The following NEDD1 variants were observed in gnomAD, a reference collection of about 807,000 sequenced individuals.
NEDD1 encodes the protein protein NEDD1.
Under a neutral mutation model 74.0 loss-of-function variants are expected in NEDD1, and 33 were observed. The observed-to-expected ratio is 0.45, with a 90% CI of 0.34 to 0.60. The LOEUF is 0.60. Ranked by LOEUF, NEDD1 falls within the 20% of genes least tolerant of loss-of-function variation. The pLI, the probability that NEDD1 is intolerant of heterozygous loss-of-function variation, is 0.01. For synonymous variants in NEDD1, 250 were observed against 264.4 expected (o/e 0.95, Z 0.53); for missense variants, 746 against 776.5 (o/e 0.96, Z 0.47).
chr12:96,912,895 C>T lies in NEDD1; in HGVS notation c.231+78C>T, dbSNP rs982938947. The T allele has an allele frequency of 1.6e-5, 11 of 691,058 alleles. 1 individual carries two copies. The highest frequency in any genetic ancestry group is 2.5e-4 in the Middle Eastern group (1 of 4,022). The allele number at this position is 691,058 out of a possible 1,614,324, so 42.8% of individuals were successfully genotyped here. The stretch of plus-strand genomic sequence containing the variant: ...TGGCAATTGCTTATTGTGGTGCTTG[C>T]GACTAAATATAAAGGTTTTTAAAAG... On this transcript the variant is annotated intron_variant, in intron 4 of 15. Coordinates refer to ENST00000266742, the MANE Select transcript of NEDD1 (RefSeq NM_152905.4).
Position 96,936,642 on chromosome 12 carries a change from C to T in NEDD1, c.751C>T (p.Leu251=). The T allele has an allele frequency of 6.2e-7, 1 of 1,613,806 alleles. No homozygotes were observed. The highest frequency in any genetic ancestry group is 1.1e-5 in the South Asian group (1 of 91,080). The part of the protein sequence containing the change: ...LVKTLVADTP[L]TAVDFMPDGA... ...GAAAACTTTAGTGGCTGACACTCCT[C>T]TAACTGCGGTAGATTTCATGCCTGA... The change falls in exon 8 of 16, where the codon CTA becomes TTA. Residue 251 remains leucine, a synonymous_variant. Coordinates refer to ENST00000266742, the MANE Select transcript of NEDD1 (RefSeq NM_152905.4).
In NEDD1 at chr12:96,920,131, G is replaced by C. The variant is rs1202102021; in HGVS notation, c.489+6G>C. On this transcript the variant is annotated splice_donor_region_variant and intron_variant, in intron 6 of 15. Coordinates refer to ENST00000266742, the MANE Select transcript of NEDD1 (RefSeq NM_152905.4). ...TTGGCCATGGTAGTAACCAGGTACAGTATGAGTTTATTCAGAGTAAAATTG... is the reference window on the plus strand; with the variant it reads ...TTGGCCATGGTAGTAACCAGGTACACTATGAGTTTATTCAGAGTAAAATTG... 1 of 1,560,632 alleles carries C rather than the reference G, an allele frequency of 6.4e-7. No homozygotes were observed. The highest frequency in any genetic ancestry group is 8.7e-7 in the Non-Finnish European group (1 of 1,145,670).
At chr12:96,937,587 A>T (rs249576) in intron 9 of NEDD1, among the ~76,000 whole-genome samples, 194 bp downstream of exon 9, 74,830 of 151,864 alleles carry the variant, frequency 0.49, 18,820 homozygotes, top group African/African-American at 0.56. Flanking sequence ...TTCAAAAATG[A>T]TAAAAGGCCC....
intron 6 of NEDD1, among the ~76,000 whole-genome samples, chr12:96,922,990 G>A (rs1364967095): frequency 6.6e-6 from 1 of 151,974 alleles, no homozygotes; most frequent in Non-Finnish European, 1.5e-5. Flanking sequence ...GGTGGTGCAT[G>A]CCAGTAGTCC....
chr12:96,922,510 T>G (rs1426825339), intron 6 of NEDD1, among the ~76,000 whole-genome samples: 1 of 152,190 alleles, frequency 6.6e-6, no homozygotes, highest in East Asian at 1.9e-4. Flanking sequence ...TATACTTCAA[T>G]TTTTATGCTT....
intron 13 of NEDD1, among the ~76,000 whole-genome samples, chr12:96,945,060 T>C (rs979555642): frequency 1.3e-5 from 2 of 150,730 alleles, no homozygotes; most frequent in Non-Finnish European, 2.9e-5. Flanking sequence ...GATAGAATTA[T>C]TATGTAGGAC....
At chr12:96,932,233 A>G (rs1876559098) in intron 6 of NEDD1, among the ~76,000 whole-genome samples, 1 of 150,748 alleles carries the variant, frequency 6.6e-6, no homozygotes, top group South Asian at 2.1e-4. Context: ...CTTTTCTTAT[A>G]AATAATTTAG....
rs149707195 is a variant in NEDD1 at position 96,942,677 on chromosome 12, C to T, written c.1294+53C>T. 653 of 867,448 alleles carry T rather than the reference C, an allele frequency of 7.5e-4. 4 individuals are homozygous for T. In the Middle Eastern group the frequency reaches 0.016, roughly 22 times the overall value. 53.7% of individuals were successfully genotyped at this position (867,448 alleles called of 1,614,324 possible). On this transcript the variant is annotated intron_variant, in intron 11 of 15. Coordinates refer to ENST00000266742, the MANE Select transcript of NEDD1 (RefSeq NM_152905.4). ...GAAAATGAAAAGTGAATTGTATTAT[C>T]TATGCTGTGTAACAAATCTCTCCAA... is the stretch of plus-strand genomic sequence containing the variant.
intron 15 of NEDD1, 100 bp downstream of exon 15, chr12:96,951,598 A>C (rs1592941382): frequency 3.1e-6 from 2 of 637,494 alleles, no homozygotes; most frequent in East Asian, 5.9e-5. Context: ...TGTTTTGTTT[A>C]GTTTCTAAGA....
chr12:96,951,874 A>G, intron 15 of NEDD1, 75 bp from the exon 16 acceptor site: 1 of 770,412 alleles, frequency 1.3e-6, no homozygotes, highest in Non-Finnish European at 2.2e-6. Context: ...ATGATAGCTG[A>G]AAGTATATTA....
chr12:96,928,008 G>A (rs1444490406), intron 6 of NEDD1, among the ~76,000 whole-genome samples: 2 of 152,054 alleles, frequency 1.3e-5, no homozygotes, highest in African/African-American at 2.4e-5. Flanking sequence ...ATGTTCTTGA[G>A]CAATTTTATA....
At chr12:96,950,304 A>C (rs796493762) in intron 14 of NEDD1, among the ~76,000 whole-genome samples, 12 of 152,020 alleles carry the variant, frequency 7.9e-5, no homozygotes, top group African/African-American at 2.9e-4. Context: ...AGCAAGAAGA[A>C]CTCTGTTATA....
At position 96,952,117 on chromosome 12, in the gene NEDD1, G is replaced by C. The variant is rs2304696; in HGVS notation, c.*64G>C. The C allele has an allele frequency of 9.4e-5, 82 of 867,838 alleles. No homozygotes were observed. In the East Asian group the frequency reaches 2.0e-3, roughly 21 times the overall value. The allele number at this position is 867,838 out of a possible 1,614,324, so 53.8% of individuals were successfully genotyped here. ...GTTTCTGGCAACACAGAACTACATAGAATCAGTATTGTTTTCATGGCCTCC... is the reference window on the plus strand; with the variant it reads ...GTTTCTGGCAACACAGAACTACATACAATCAGTATTGTTTTCATGGCCTCC... On this transcript the variant is annotated 3_prime_UTR_variant, in exon 16 of 16. Coordinates refer to ENST00000266742, the MANE Select transcript of NEDD1 (RefSeq NM_152905.4).
chr12:96,910,262 T>C (rs1873778841), intron 3 of NEDD1, among the ~76,000 whole-genome samples: 1 of 152,202 alleles, frequency 6.6e-6, no homozygotes, highest in Non-Finnish European at 1.5e-5. Flanking sequence ...AATGAGTTTT[T>C]GCATCTACAT....
intron 14 of NEDD1, among the ~76,000 whole-genome samples, chr12:96,947,373 T>G (rs1480063608): frequency 8.5e-5 from 13 of 152,172 alleles, no homozygotes; most frequent in Non-Finnish European, 1.6e-4. Flanking sequence ...AGAGATTTTA[T>G]TTTATACTGA....
intron 15 of NEDD1, among the ~76,000 whole-genome samples, 185 bp from the exon 16 acceptor site, chr12:96,951,764 A>C (rs1698881857): frequency 6.6e-6 from 1 of 151,782 alleles, no homozygotes; most frequent in African/African-American, 2.4e-5. Context: ...AATTTTCCAA[A>C]TATACTAATT....
intron 14 of NEDD1, among the ~76,000 whole-genome samples, chr12:96,949,209 T>C (rs1052216863): frequency 2.6e-5 from 4 of 152,200 alleles, no homozygotes; most frequent in African/African-American, 9.6e-5. Context: ...AGTCTTTCGT[T>C]TGCAAGATCA....
chr12:96,933,616 CAT>C (rs533750078), intron 6 of NEDD1, among the ~76,000 whole-genome samples: 212 of 152,140 alleles, frequency 1.4e-3, no homozygotes, highest in African/African-American at 4.9e-3. Context: ...AATGGGTTAA[CAT>C]ATTAATTGTC....
chr12:96,931,345 G>A (rs1381475847), intron 6 of NEDD1, among the ~76,000 whole-genome samples: 1 of 152,080 alleles, frequency 6.6e-6, no homozygotes, highest in African/African-American at 2.4e-5. Flanking sequence ...TAAAACTTCT[G>A]ACAAAAAGCA....
Sources: allele counts gnomAD v4.1 joint callset (sites outside exome capture counted in the v4.1 genomes callset), GRCh38; gene constraint gnomAD v4.1.1; transcripts MANE v1.5; gene names NCBI Gene and HGNC (gene_info 2026-07-23, HGNC 2026-07-21).